ALMS1: variants seen among roughly 807,000 people sequenced by gnomAD.
The protein encoded by ALMS1 is centrosome-associated protein ALMS1.
ALMS1 carries 271 observed loss-of-function variants against 352.2 expected under a neutral mutation model. That is an observed-to-expected ratio of 0.77 (90% CI 0.70 to 0.85). ALMS1 has a LOEUF of 0.85. Ranked by LOEUF, ALMS1 falls within the 40% of genes least tolerant of loss-of-function variation. The probability of loss-of-function intolerance (pLI) is 0.00; values close to 1 mark genes in which losing one functional copy is unlikely to be tolerated. For synonymous variants in ALMS1, 1,865 were observed against 1,761.2 expected (o/e 1.06, Z -1.48); for missense variants, 5,445 against 4,870.7 (o/e 1.12, Z -3.51).
At chr2:73,464,749 C>G (rs992670719) in intron 9 of ALMS1, among the ~76,000 whole-genome samples, 25 of 152,264 alleles carry the variant, frequency 1.6e-4, no homozygotes, top group African/African-American at 5.8e-4. Context: ...TCAGCAAAGT[C>G]TCAGGATACA....
intron 16 of ALMS1, among the ~76,000 whole-genome samples, chr2:73,585,962 G>C (rs1486327952): frequency 6.6e-6 from 1 of 151,976 alleles, no homozygotes; most frequent in Admixed American, 6.6e-5. Context: ...GTTTCACCAT[G>C]TTGGCCAGGC....
intron 9 of ALMS1, chr2:73,469,496 CT>C (rs1672425445): frequency 6.6e-6 from 1 of 151,776 alleles, no homozygotes; most frequent in African/African-American, 2.4e-5. Flanking sequence ...ACATATAACT[CT>C]CGTTAGGTAT....
At chr2:73,532,334 G>T (rs950481185) in intron 11 of ALMS1, among the ~76,000 whole-genome samples, 6 of 152,218 alleles carry the variant, frequency 3.9e-5, no homozygotes, top group Non-Finnish European at 7.3e-5. Context: ...TCAGGGTGGC[G>T]ATTTCCCCCT....
chr2:73,515,375 A>G (rs1673533953), intron 10 of ALMS1, among the ~76,000 whole-genome samples: 1 of 152,084 alleles, frequency 6.6e-6, no homozygotes, highest in Non-Finnish European at 1.5e-5. Context: ...ACTAGTAGCT[A>G]AATCCCCTGT....
chr2:73,480,217 C>T (rs546314094), intron 9 of ALMS1, among the ~76,000 whole-genome samples: 8 of 152,106 alleles, frequency 5.3e-5, no homozygotes, highest in African/African-American at 1.9e-4. Flanking sequence ...CTAATGCTAT[C>T]CGTCCCCACT....
Position 73,490,453 on chromosome 2 carries a change from A to C in ALMS1, c.8494A>C (p.Asn2832His). Residue 2832 changes from asparagine (N) to histidine (H), a missense_variant, in exon 10 of 23, where the codon AAT becomes CAT. Asn to His is a moderately conservative substitution (Grantham distance 68, BLOSUM62 1). Coordinates refer to ENST00000613296, the MANE Select transcript of ALMS1 (RefSeq NM_001378454.1). ...SEPSTRANCS[N>H]FKEIQISDNH... ...GCCCAGTACCAGGGCAAATTGTAGCAATTTCAAGGAAATTCAGATTTCTGA... is the reference window on the plus strand; with the variant it reads ...GCCCAGTACCAGGGCAAATTGTAGCCATTTCAAGGAAATTCAGATTTCTGA... 1 of 1,614,174 alleles carries C rather than the reference A, an allele frequency of 6.2e-7. No homozygotes were observed. Among genetic ancestry groups the C allele is most frequent in the Non-Finnish European group, 8.5e-7 (1 of 1,180,036 alleles).
At chr2:73,495,410 A>G (rs988822827) in intron 10 of ALMS1, among the ~76,000 whole-genome samples, 3 of 151,954 alleles carry the variant, frequency 2.0e-5, no homozygotes, top group East Asian at 1.9e-4. Context: ...AATTTTCTGT[A>G]TTTTTAGTAG....
At chr2:73,394,534 G>C (rs902390545) in intron 1 of ALMS1, among the ~76,000 whole-genome samples, 2 of 151,970 alleles carry the variant, frequency 1.3e-5, no homozygotes, top group African/African-American at 2.4e-5. Context: ...ATTTTTAGTG[G>C]AGACGGGGTT....
chr2:73,447,677 T>C (rs1353355419), intron 7 of ALMS1, among the ~76,000 whole-genome samples: 1 of 152,198 alleles, frequency 6.6e-6, no homozygotes, highest in African/African-American at 2.4e-5. Context: ...TCCCATCTCA[T>C]TGAAAATTCT....
intron 9 of ALMS1, among the ~76,000 whole-genome samples, chr2:73,475,929 C>G (rs181849487): frequency 6.7e-6 from 1 of 150,288 alleles, no homozygotes; most frequent in Non-Finnish European, 1.5e-5. Context: ...TCATCTTAAC[C>G]ATTGTTAAGT....
At chr2:73,479,651 T>C (rs530880004) in intron 9 of ALMS1, among the ~76,000 whole-genome samples, 3 of 152,222 alleles carry the variant, frequency 2.0e-5, no homozygotes, top group African/African-American at 7.2e-5. Context: ...TTTCCCAGTT[T>C]TTGGCTTTAC....
In ALMS1 at chr2:73,443,405, A is replaced by G. The variant is rs928350124; in HGVS notation, c.1433-4555A>G. ...TTTTTTATATGCCCATCTTTGCCTA[A>G]TTTCTGGTTTTTATCCTTTCATTCT... On this transcript the variant is annotated intron_variant, in intron 7 of 22. Coordinates refer to ENST00000613296, the MANE Select transcript of ALMS1 (RefSeq NM_001378454.1). Among the ~76,000 whole-genome samples, 3 of 151,966 alleles carry G rather than the reference A, an allele frequency of 2.0e-5. No individual in the cohort carries two copies. In the South Asian group the frequency reaches 6.2e-4, roughly 32 times the overall value.
intron 16 of ALMS1, among the ~76,000 whole-genome samples, chr2:73,595,444 C>T (rs1212020946): frequency 2.0e-5 from 3 of 152,136 alleles, no homozygotes; most frequent in African/African-American, 7.2e-5. Flanking sequence ...ATCATGATTT[C>T]AAGGTTCATC....
intron 21 of ALMS1, 70 bp downstream of exon 21, chr2:73,603,374 TTGC>T: frequency 1.4e-6 from 2 of 1,384,702 alleles, no homozygotes; most frequent in Non-Finnish European, 2.1e-6. Context: ...GAGCTCTGGC[TTGC>T]ACCCAGAATA....
intron 1 of ALMS1, among the ~76,000 whole-genome samples, chr2:73,391,103 C>T (rs549269079): frequency 6.6e-6 from 1 of 151,838 alleles, no homozygotes; most frequent in East Asian, 2.0e-4. Flanking sequence ...TTAGTTTCCT[C>T]TCTGTCAGCT....
chr2:73,475,549 C>G (rs1672565112), intron 9 of ALMS1, among the ~76,000 whole-genome samples: 1 of 152,024 alleles, frequency 6.6e-6, no homozygotes. Flanking sequence ...ATTCTTTACC[C>G]ATTTATAAAT....
At chr2:73,409,061 T>C (rs1572904929) in intron 2 of ALMS1, among the ~76,000 whole-genome samples, 1 of 151,688 alleles carries the variant, frequency 6.6e-6, no homozygotes, top group African/African-American at 2.4e-5. Flanking sequence ...AAATTTTTTA[T>C]AGATGGAGTC....
chr2:73,477,023 A>T (rs540865164), intron 9 of ALMS1, among the ~76,000 whole-genome samples: 41 of 152,234 alleles, frequency 2.7e-4, no homozygotes, highest in African/African-American at 8.7e-4. Flanking sequence ...GTGAAGACTT[A>T]TTGTACATGA....
chr2:73,547,377 C>T (rs145211362), intron 12 of ALMS1, among the ~76,000 whole-genome samples: 127 of 152,308 alleles, frequency 8.3e-4, no homozygotes, highest in African/African-American at 2.9e-3. Context: ...TTCCTTTTTA[C>T]GCCAGCTCAG....
Sources: allele counts gnomAD v4.1 joint callset (sites outside exome capture counted in the v4.1 genomes callset), GRCh38; gene constraint gnomAD v4.1.1; transcripts MANE v1.5; gene names NCBI Gene and HGNC (gene_info 2026-07-23, HGNC 2026-07-21).